TMEM132C: variants seen among roughly 807,000 people sequenced by gnomAD.
TMEM132C encodes protein phosphatase 1, regulatory subunit 152.
In TMEM132C, 29 loss-of-function variants were observed where a neutral mutation model predicts 61.4. The observed-to-expected ratio is 0.47, with a 90% CI of 0.35 to 0.64. The LOEUF (loss-of-function observed/expected upper bound fraction) is 0.64, where lower values mean the gene tolerates loss of function less well. Ranked by LOEUF, TMEM132C falls within the 30% of genes least tolerant of loss-of-function variation. The pLI is 0.00. For synonymous variants in TMEM132C, 656 were observed against 633.1 expected (o/e 1.04, Z -0.54); for missense variants, 1,408 against 1,476.9 (o/e 0.95, Z 0.76).
At position 128,384,964 on chromosome 12, in the gene TMEM132C, A is replaced by G. The variant is rs183532848; in HGVS notation, c.86-29768A>G. ...CTTCACGGCCACCTGTGATCTTCAC[A>G]TTCACGTCTGTCAAAGTCCAGCCTC... On this transcript the variant is annotated intron_variant, in intron 1 of 8. Transcript: ENST00000435159. 5.0e-3 allele frequency among the ~76,000 whole-genome samples: 757 copies of G among 152,274 alleles called. 9 individuals are homozygous for G. Among genetic ancestry groups the G allele is most frequent in the African/African-American group, 0.017 (706 of 41,570 alleles).
intron 1 of TMEM132C, among the ~76,000 whole-genome samples, chr12:128,395,845 G>A (rs1874932338): frequency 6.6e-6 from 1 of 152,124 alleles, no homozygotes; most frequent in Admixed American, 6.5e-5. Flanking sequence ...GTGCAATTAT[G>A]AGCCAGGATG....
intron 3 of TMEM132C, among the ~76,000 whole-genome samples, chr12:128,609,043 C>T (rs1196474472): frequency 6.6e-6 from 1 of 152,096 alleles, no homozygotes; most frequent in East Asian, 1.9e-4. Context: ...AGGTCTCACT[C>T]TGTCATCCAG....
chr12:128,456,425 T>A lies in TMEM132C; in HGVS notation c.974+40805T>A, dbSNP rs1227387011. ...TTTTTTTTTTTTTTTTTTTTTTTTT[T>A]AGCAAAGGTCTTGCTCTGTTACCTA... On this transcript the variant is annotated intron_variant, in intron 2 of 8. Transcript: ENST00000435159. 2.9e-4 allele frequency among the ~76,000 whole-genome samples: 32 copies of A among 109,678 alleles called. 1 individual carries two copies. The highest frequency in any genetic ancestry group is 1.1e-3 in the African/African-American group (29 of 25,992). The allele number at this position is 109,678 out of a possible 152,430, so 72.0% of individuals were successfully genotyped here.
chr12:128,541,794 C>T (rs1277400590), intron 2 of TMEM132C, among the ~76,000 whole-genome samples: 1 of 152,114 alleles, frequency 6.6e-6, no homozygotes, highest in Non-Finnish European at 1.5e-5. Context: ...AGTGTCAATG[C>T]CTGTTGCATT....
chr12:128,336,962 G>A (rs1237313170), intron 1 of TMEM132C, among the ~76,000 whole-genome samples: 1 of 152,166 alleles, frequency 6.6e-6, no homozygotes, highest in African/African-American at 2.4e-5. Flanking sequence ...TATGTGGAAT[G>A]TTTTTATTTT....
intron 2 of TMEM132C, among the ~76,000 whole-genome samples, chr12:128,513,317 A>G (rs1429485447): frequency 6.6e-6 from 1 of 152,104 alleles, no homozygotes; most frequent in Middle Eastern, 3.2e-3. Context: ...TCCAGCCCCC[A>G]AGTATAGGGG....
chr12:128,602,224 TA>T (rs1392311163), intron 3 of TMEM132C, among the ~76,000 whole-genome samples: 1 of 152,148 alleles, frequency 6.6e-6, no homozygotes, highest in Non-Finnish European at 1.5e-5. Context: ...GAAAGGTTTT[TA>T]AACCACAATC....
intron 2 of TMEM132C, among the ~76,000 whole-genome samples, chr12:128,502,480 G>C (rs577993928): frequency 1.3e-5 from 2 of 152,266 alleles, no homozygotes; most frequent in South Asian, 4.1e-4. Flanking sequence ...TTCATTTCCT[G>C]GCTATATTGG....
At chr12:128,368,883 G>A (rs1030984616) in intron 1 of TMEM132C, among the ~76,000 whole-genome samples, 3 of 152,144 alleles carry the variant, frequency 2.0e-5, no homozygotes, top group Admixed American at 6.5e-5. Flanking sequence ...ACGAAGAGAG[G>A]CTTTGGGGAA....
At chr12:128,592,927 G>A (rs1234046768) in intron 3 of TMEM132C, among the ~76,000 whole-genome samples, 1 of 152,206 alleles carries the variant, frequency 6.6e-6, no homozygotes, top group Non-Finnish European at 1.5e-5. Context: ...CTGCAGTGGG[G>A]TTCCCTGAAG....
chr12:128,686,028 TGTGTGTGTATTCGCGC>T (rs1450979188), intron 5 of TMEM132C, among the ~76,000 whole-genome samples: 2 of 132,672 alleles, frequency 1.5e-5, no homozygotes, highest in Non-Finnish European at 3.0e-5. Context: ...TGCATGCATG[TGTGTGTGTATTCGCGC>T]GTGTGTGCAT....
intron 4 of TMEM132C, among the ~76,000 whole-genome samples, chr12:128,645,469 A>G (rs1036874658): frequency 7.2e-5 from 11 of 152,232 alleles, no homozygotes; most frequent in Non-Finnish European, 1.0e-4. Context: ...CTTCCAGCAC[A>G]TTCTTCTCTC....
chr12:128,575,888 A>C (rs1161829741), intron 3 of TMEM132C, among the ~76,000 whole-genome samples: 2 of 152,202 alleles, frequency 1.3e-5, no homozygotes, highest in African/African-American at 4.8e-5. Context: ...CTGTCAGAGT[A>C]TTTCCTACAA....
At chr12:128,552,267 A>C (rs949142111) in intron 3 of TMEM132C, among the ~76,000 whole-genome samples, 9 of 152,256 alleles carry the variant, frequency 5.9e-5, no homozygotes, top group Non-Finnish European at 8.8e-5. Context: ...ATAGTATCTT[A>C]AAAATAGAAA....
intron 3 of TMEM132C, among the ~76,000 whole-genome samples, chr12:128,551,529 G>A (rs184365387): frequency 2.0e-5 from 3 of 152,114 alleles, no homozygotes; most frequent in African/African-American, 4.8e-5. Flanking sequence ...CAGAGTGCAC[G>A]TCGTATTTAC....
intron 4 of TMEM132C, among the ~76,000 whole-genome samples, chr12:128,620,568 A>C (rs1953955207): frequency 6.6e-6 from 1 of 152,162 alleles, no homozygotes; most frequent in South Asian, 2.1e-4. Flanking sequence ...AAGAAACTAA[A>C]TTTTAGGCAA....
At chr12:128,638,905 A>ATGG in intron 4 of TMEM132C, among the ~76,000 whole-genome samples, 1 of 138,424 alleles carries the variant, frequency 7.2e-6, no homozygotes, top group African/African-American at 2.8e-5. Flanking sequence ...GATGGTGGTG[A>ATGG]TGGTGATGAT....
chr12:128,571,301 G>C (rs146708211), intron 3 of TMEM132C, among the ~76,000 whole-genome samples: 19 of 152,208 alleles, frequency 1.2e-4, no homozygotes, highest in Admixed American at 3.3e-4. Flanking sequence ...TCCAGTCTGA[G>C]TTTAGGTTTC....
At chr12:128,585,980 G>T (rs1875532069) in intron 3 of TMEM132C, among the ~76,000 whole-genome samples, 1 of 152,144 alleles carries the variant, frequency 6.6e-6, no homozygotes, top group Non-Finnish European at 1.5e-5. Context: ...GGTGACGGCT[G>T]CACAACAACA....
Sources: allele counts gnomAD v4.1 joint callset (sites outside exome capture counted in the v4.1 genomes callset), GRCh38; gene constraint gnomAD v4.1.1; transcripts MANE v1.5; gene names NCBI Gene and HGNC (gene_info 2026-07-23, HGNC 2026-07-21).